GRID1: variants seen among roughly 807,000 people sequenced by gnomAD.
GRID1 encodes glutamate receptor ionotropic, delta-1.
In GRID1, 28 loss-of-function variants were observed where a neutral mutation model predicts 98.0. The ratio of observed to expected loss-of-function variants is 0.29; its 90% confidence interval spans 0.21 to 0.39. The LOEUF is 0.39. Among genes scored for constraint, GRID1 ranks in the 10% least tolerant of loss-of-function variants. GRID1 has a pLI of 1.00. For synonymous variants in GRID1, 553 were observed against 538.5 expected (o/e 1.03, Z -0.37); for missense variants, 1,111 against 1,340.5 (o/e 0.83, Z 2.67).
chr10:85,630,682 A>G (rs1718515847), intron 13 of GRID1, among the ~76,000 whole-genome samples: 1 of 152,168 alleles, frequency 6.6e-6, no homozygotes, highest in Non-Finnish European at 1.5e-5. Context: ...GTGATTCTCA[A>G]AGTGTGTTTT....
intron 8 of GRID1, among the ~76,000 whole-genome samples, chr10:85,787,703 C>G (rs1318696192): frequency 1.3e-5 from 2 of 152,208 alleles, no homozygotes; most frequent in Non-Finnish European, 2.9e-5. Flanking sequence ...CAGCTCAGCA[C>G]ACTGCCCAGT....
In GRID1 at chr10:86,082,907, G is replaced by A. The variant is rs11201881; in HGVS notation, c.726+55912C>T. 6.1e-3 allele frequency among the ~76,000 whole-genome samples: 924 copies of A among 152,286 alleles called. 10 individuals carry two copies. The highest frequency in any genetic ancestry group is 0.021 in the African/African-American group (881 of 41,548). The stretch of plus-strand genomic sequence containing the variant: ...TGTTCCCAGCAGGCAAGGACAGAGC[G>A]GGTGGAAGCAGCTGATGATCTCAGC... On this transcript the variant is annotated intron_variant, in intron 4 of 15. Coordinates refer to ENST00000327946, the MANE Select transcript of GRID1 (RefSeq NM_017551.3).
intron 2 of GRID1, among the ~76,000 whole-genome samples, chr10:86,261,334 A>AC (rs1187479180): frequency 6.6e-6 from 1 of 152,222 alleles, no homozygotes; most frequent in Non-Finnish European, 1.5e-5. Context: ...GGCATGGCAA[A>AC]GGGGTGAGAT....
At chr10:86,059,862 A>G (rs1345427659) in intron 4 of GRID1, among the ~76,000 whole-genome samples, 1 of 152,248 alleles carries the variant, frequency 6.6e-6, no homozygotes, top group Admixed American at 6.5e-5. Flanking sequence ...TGAAGATCAT[A>G]GATATATACC....
intron 4 of GRID1, among the ~76,000 whole-genome samples, chr10:85,998,549 A>T (rs2131873136): frequency 6.6e-6 from 1 of 152,302 alleles, no homozygotes; most frequent in Admixed American, 6.5e-5. Flanking sequence ...GATTTAAAAA[A>T]AATTAACTTA....
chr10:86,032,286 G>T (rs1043151931), intron 4 of GRID1, among the ~76,000 whole-genome samples: 1 of 152,166 alleles, frequency 6.6e-6, no homozygotes, highest in Non-Finnish European at 1.5e-5. Context: ...CTGGGAGGTG[G>T]GGGGCCCCTC....
intron 8 of GRID1, among the ~76,000 whole-genome samples, chr10:85,807,603 T>C (rs745678373): frequency 1.4e-4 from 21 of 152,078 alleles, no homozygotes; most frequent in African/African-American, 5.1e-4. Context: ...AAAAAACATA[T>C]GTTAAATTAA....
At chr10:86,078,303 G>A (rs144150762) in intron 4 of GRID1, among the ~76,000 whole-genome samples, 107 of 152,346 alleles carry the variant, frequency 7.0e-4, no homozygotes, top group African/African-American at 2.4e-3. Context: ...TTTCTGCCTG[G>A]GCTTTTTGCC....
chr10:85,976,770 T>G lies in GRID1; in HGVS notation c.727-60531A>C, dbSNP rs939471443. The stretch of plus-strand genomic sequence containing the variant: ...ACAGGCTTACCTGTTTCCCTCTGTG[T>G]ATGCTCTTTGCAAAATTCTGCCTTC... On this transcript the variant is annotated intron_variant, in intron 4 of 15. Transcript: ENST00000327946. Among the ~76,000 whole-genome samples the G allele has an allele frequency of 2.9e-4, 44 of 152,334 alleles. 1 individual carries two copies. The highest frequency in any genetic ancestry group is 1.9e-4 in the East Asian group (1 of 5,186).
At chr10:85,986,446 T>C (rs1842609735) in intron 4 of GRID1, among the ~76,000 whole-genome samples, 2 of 152,182 alleles carry the variant, frequency 1.3e-5, no homozygotes, top group East Asian at 1.9e-4. Context: ...CTGGGGAAAT[T>C]GTGTTAGTTG....
chr10:85,737,212 G>A (rs1841891514), intron 8 of GRID1, among the ~76,000 whole-genome samples: 1 of 152,118 alleles, frequency 6.6e-6, no homozygotes, highest in Non-Finnish European at 1.5e-5. Context: ...TTAAAAACAA[G>A]TCCTAGAAGG....
At chr10:86,098,232 C>T (rs551844810) in intron 4 of GRID1, among the ~76,000 whole-genome samples, 4 of 152,362 alleles carry the variant, frequency 2.6e-5, no homozygotes, top group Admixed American at 2.0e-4. Flanking sequence ...CACCATCACA[C>T]AACCATTGTT....
chr10:85,634,698 C>T (rs1843016098), intron 13 of GRID1, among the ~76,000 whole-genome samples: 1 of 152,124 alleles, frequency 6.6e-6, no homozygotes, highest in African/African-American at 2.4e-5. Flanking sequence ...TCTCTTCCCT[C>T]TTGCTCCTGA....
At chr10:85,670,893 C>T (rs889415817) in intron 12 of GRID1, among the ~76,000 whole-genome samples, 1 of 152,192 alleles carries the variant, frequency 6.6e-6, no homozygotes, top group Non-Finnish European at 1.5e-5. Context: ...CCTCCCTTAA[C>T]CTCTGGCCTT....
At chr10:85,806,862 C>T (rs935376160) in intron 8 of GRID1, among the ~76,000 whole-genome samples, 1 of 151,992 alleles carries the variant, frequency 6.6e-6, no homozygotes, top group African/African-American at 2.4e-5. Flanking sequence ...GTGGTGGTTA[C>T]CTGTATGAAC....
rs1470286241 is a variant in GRID1 at position 85,599,821 on chromosome 10, A to ATT, written c.*2451_*2452insAA. 1 of 129,354 alleles carries ATT rather than the reference A, an allele frequency of 7.7e-6. No homozygotes were observed. Among genetic ancestry groups the ATT allele is most frequent in the Non-Finnish European group, 1.6e-5 (1 of 62,952 alleles). 8.0% of individuals were successfully genotyped at this position (129,354 alleles called of 1,614,324 possible). A position where few individuals can be genotyped will look rare whatever the true frequency, so the allele number is the denominator to read the frequency against. ...AAAAAAAATATATATATATATATAT[A>ATT]AACATGGTGAAGAATAACACCATGA... On this transcript the variant is annotated 3_prime_UTR_variant, in exon 16 of 16. Coordinates refer to ENST00000327946, the MANE Select transcript of GRID1 (RefSeq NM_017551.3).
intron 8 of GRID1, among the ~76,000 whole-genome samples, chr10:85,812,009 C>T (rs775884997): frequency 1.1e-4 from 17 of 152,066 alleles, no homozygotes; most frequent in Non-Finnish European, 2.5e-4. Flanking sequence ...GTAGGTTTCT[C>T]AGAAGAAATC....
At chr10:85,911,694 A>G (rs571488531) in intron 5 of GRID1, among the ~76,000 whole-genome samples, 5 of 152,326 alleles carry the variant, frequency 3.3e-5, no homozygotes, top group African/African-American at 1.2e-4. Flanking sequence ...GCCCAGCAAC[A>G]AACACAGTGC....
chr10:86,282,590 C>A (rs1254631765), intron 2 of GRID1, among the ~76,000 whole-genome samples: 1 of 152,120 alleles, frequency 6.6e-6, no homozygotes, highest in Non-Finnish European at 1.5e-5. Context: ...AAGTAAAGAG[C>A]GACCATGAGC....
Sources: allele counts gnomAD v4.1 joint callset (sites outside exome capture counted in the v4.1 genomes callset), GRCh38; gene constraint gnomAD v4.1.1; transcripts MANE v1.5; gene names NCBI Gene and HGNC (gene_info 2026-07-23, HGNC 2026-07-21).